The following CADM2 variants were observed in gnomAD, a reference collection of about 807,000 sequenced individuals.
The protein encoded by CADM2 is immunoglobulin superfamily member 4D.
CADM2 carries 12 observed loss-of-function variants against 49.8 expected under a neutral mutation model. The observed-to-expected ratio is 0.24, with a 90% CI of 0.15 to 0.39. The LOEUF (loss-of-function observed/expected upper bound fraction) is 0.39, where lower values mean the gene tolerates loss of function less well. Among genes scored for constraint, CADM2 ranks in the 10% least tolerant of loss-of-function variants. The pLI, the probability that CADM2 is intolerant of heterozygous loss-of-function variation, is 1.00. For missense variants in CADM2, 378 were observed against 492.3 expected, an observed-to-expected ratio of 0.77 and a Z score of 2.20; for synonymous variants, 214 against 175.4, an observed-to-expected ratio of 1.22 and a Z score of -1.74.
At chr3:85,587,696 T>C (rs1439751435) in intron 1 of CADM2, among the ~76,000 whole-genome samples, 6 of 152,018 alleles carry the variant, frequency 3.9e-5, no homozygotes, top group Non-Finnish European at 8.8e-5. Context: ...TCTTCCATAA[T>C]GGCAACAAGA....
intron 1 of CADM2, among the ~76,000 whole-genome samples, chr3:85,366,415 T>G (rs551145596): frequency 2.6e-5 from 4 of 152,276 alleles, no homozygotes; most frequent in Admixed American, 2.6e-4. Context: ...CAGAAGCAGT[T>G]GTATAAAATG....
At chr3:85,531,755 G>C (rs1020126993) in intron 1 of CADM2, among the ~76,000 whole-genome samples, 1 of 151,886 alleles carries the variant, frequency 6.6e-6, no homozygotes, top group Admixed American at 6.6e-5. Flanking sequence ...ACGAAATAAA[G>C]GTAGAAAAAT....
At chr3:85,223,338 A>G (rs1184813433) in intron 1 of CADM2, among the ~76,000 whole-genome samples, 2 of 152,130 alleles carry the variant, frequency 1.3e-5, no homozygotes, top group Non-Finnish European at 2.9e-5. Flanking sequence ...GAAATGTTGT[A>G]TTTGTTATAT....
intron 1 of CADM2, among the ~76,000 whole-genome samples, chr3:85,016,601 T>C (rs1464858397): frequency 1.3e-5 from 2 of 152,060 alleles, no homozygotes; most frequent in African/African-American, 4.8e-5. Flanking sequence ...AAGGCCAGCC[T>C]GGCCAACACA....
At chr3:85,919,650 T>C (rs1718844375) in intron 6 of CADM2, among the ~76,000 whole-genome samples, 1 of 151,904 alleles carries the variant, frequency 6.6e-6, no homozygotes, top group African/African-American at 2.4e-5. Context: ...AATCCATTTT[T>C]CTCTTAACAA....
intron 6 of CADM2, among the ~76,000 whole-genome samples, chr3:85,917,256 G>C (rs1428080850): frequency 6.6e-6 from 1 of 152,102 alleles, no homozygotes; most frequent in East Asian, 1.9e-4. Flanking sequence ...CCTGTGTCCT[G>C]AATGGTATTG....
chr3:85,143,575 T>G (rs992629080), intron 1 of CADM2, among the ~76,000 whole-genome samples: 1 of 152,334 alleles, frequency 6.6e-6, no homozygotes, highest in South Asian at 2.1e-4. Context: ...TTGTTTTTGT[T>G]AATTGTATGC....
intron 1 of CADM2, among the ~76,000 whole-genome samples, chr3:85,344,181 T>C (rs1021806757): frequency 2.0e-5 from 3 of 151,584 alleles, no homozygotes; most frequent in Admixed American, 6.6e-5. Flanking sequence ...CGAGACCATC[T>C]TGGCTAACAC....
intron 1 of CADM2, among the ~76,000 whole-genome samples, chr3:85,606,091 C>A (rs1330220042): frequency 1.3e-5 from 2 of 152,082 alleles, no homozygotes; most frequent in African/African-American, 4.8e-5. Context: ...ACTGAGCATG[C>A]ATGTCTGCAT....
At chr3:85,435,007 C>A (rs2107529669) in intron 1 of CADM2, among the ~76,000 whole-genome samples, 1 of 152,036 alleles carries the variant, frequency 6.6e-6, no homozygotes, top group East Asian at 1.9e-4. Context: ...TTGATTTTAT[C>A]ATTTATTTTA....
intron 1 of CADM2, among the ~76,000 whole-genome samples, chr3:85,326,432 T>G (rs1311314878): frequency 6.6e-6 from 1 of 152,182 alleles, no homozygotes; most frequent in Non-Finnish European, 1.5e-5. Flanking sequence ...TTTTTTATAT[T>G]AATATTTCTC....
chr3:85,756,295 A>G (rs2069119009), intron 2 of CADM2, among the ~76,000 whole-genome samples: 1 of 152,076 alleles, frequency 6.6e-6, no homozygotes, highest in Non-Finnish European at 1.5e-5. Flanking sequence ...TTTCTCACAA[A>G]CTTCTTTTCT....
rs2061479866 is a variant in CADM2 at position 85,538,867 on chromosome 3, A to G, written c.62-187655A>G. Among the ~76,000 whole-genome samples the G allele has an allele frequency of 2.6e-5, 4 of 151,788 alleles. No homozygotes were observed. The South Asian group carries it at 6.2e-4, about 24-fold the overall frequency. ...TAATCAGCTACACTGACCTTTAAGG[A>G]CTATAATATCGTGAGTTGAATACAT... is the stretch of plus-strand genomic sequence containing the variant. On this transcript the variant is annotated intron_variant, in intron 1 of 9. Coordinates refer to ENST00000383699, the MANE Select transcript of CADM2 (RefSeq NM_001167675.2).
At chr3:85,719,234 C>T (rs2107761412) in intron 1 of CADM2, among the ~76,000 whole-genome samples, 1 of 152,180 alleles carries the variant, frequency 6.6e-6, no homozygotes, top group Admixed American at 6.5e-5. Context: ...ATAAATTGAC[C>T]TCATTCTATG....
chr3:85,396,990 A>C (rs1445705926), intron 1 of CADM2, among the ~76,000 whole-genome samples: 1 of 152,090 alleles, frequency 6.6e-6, no homozygotes. Flanking sequence ...AATGAGAGAA[A>C]ATATTTGCAC....
intron 1 of CADM2, among the ~76,000 whole-genome samples, chr3:85,277,042 ATGAG>A (rs1316394337): frequency 2.0e-5 from 3 of 151,420 alleles, no homozygotes; most frequent in Non-Finnish European, 4.4e-5. Flanking sequence ...CAAAGAAGAA[ATGAG>A]TTTGAAAAAG....
chr3:85,337,030 A>AAT (rs571278048), intron 1 of CADM2, among the ~76,000 whole-genome samples: 8,253 of 137,618 alleles, frequency 0.06, 299 homozygotes, highest in East Asian at 0.089. Flanking sequence ...AATAAATATA[A>AAT]ATATATATAT....
intron 1 of CADM2, among the ~76,000 whole-genome samples, chr3:85,221,158 G>A (rs1231876445): frequency 1.3e-5 from 2 of 152,042 alleles, no homozygotes; most frequent in Non-Finnish European, 2.9e-5. Flanking sequence ...TTTTCCAAAT[G>A]TTTCAATGTT....
At chr3:85,974,166 A>T (rs1726497900) in intron 8 of CADM2, among the ~76,000 whole-genome samples, 1 of 151,694 alleles carries the variant, frequency 6.6e-6, no homozygotes, top group Non-Finnish European at 1.5e-5. Context: ...AAGCTCAGAG[A>T]AGGAAGATAT....
Sources: gnomAD v4.1 joint callset for allele counts (sites outside exome capture counted in the v4.1 genomes callset) on GRCh38, gnomAD v4.1.1 for gene constraint, MANE v1.5 for transcripts, NCBI Gene and HGNC (gene_info 2026-07-23, HGNC 2026-07-21) for gene names.